Variants in CEBPZOS observed in about 807,000 individuals in gnomAD.
CEBPZOS encodes CEBPZ opposite strand, also known as protein CEBPZOS.
Under a neutral mutation model 4.8 loss-of-function variants are expected in CEBPZOS, and 10 were observed. The observed-to-expected ratio is 2.07, with a 90% CI of 1.28 to 3.52. The LOEUF is 3.52. Ranked by LOEUF, CEBPZOS falls within the 30% of genes most tolerant of loss-of-function variation. The pLI is 0.00. For missense variants in CEBPZOS, 98 were observed against 43.6 expected (o/e 2.25, Z -3.51); for synonymous variants, 25 against 14.2 (o/e 1.77, Z -1.72).
At chr2:37,201,233 A>T in intron 3 of CEBPZOS, 141 bp downstream of exon 3, 3 of 601,474 alleles carry the variant, frequency 5.0e-6, no homozygotes, top group Non-Finnish European at 6.0e-6. Flanking sequence ...ATTCTCATCT[A>T]TTCTAGTGAG....
rs763935613 is a variant in CEBPZOS, at chr2:37,201,675, AT to A, written c.195del (p.Tyr65Ter). On this transcript the variant is annotated frameshift_variant, in exon 4 of 5. Coordinates refer to ENST00000402297, the MANE Select transcript of CEBPZOS (RefSeq NM_001322374.2). LOFTEE classifies it high-confidence loss of function. ...YYKSTEKSGM[Y>X]GIRELDQKTW... Reference sequence around the variant, plus strand: ...AAATCCACTGAGAAGTCTGGAATGTATGGAATCAGAGAGCTAGATCAAAAAA... The same window carrying A: ...AAATCCACTGAGAAGTCTGGAATGTAGGAATCAGAGAGCTAGATCAAAAAA... 41 of 818,924 alleles carry A rather than the reference AT, an allele frequency of 5.0e-5. No individual in the cohort carries two copies. The highest frequency in any genetic ancestry group is 7.9e-5 in the Non-Finnish European group (38 of 478,280). The allele number at this position is 818,924 out of a possible 1,614,324, so 50.7% of individuals were successfully genotyped here. A position where few individuals can be genotyped will look rare whatever the true frequency, so the allele number is the denominator to read the frequency against.
chr2:37,206,688 A>G (rs1260179835), downstream of CEBPZOS, among the ~76,000 whole-genome samples: 2 of 152,190 alleles, frequency 1.3e-5, no homozygotes, highest in Admixed American at 1.3e-4. Flanking sequence ...AAAACCTTGA[A>G]GTACACCAAA....
chr2:37,196,545 C>T (rs1676946663), intron 1 of CEBPZOS, 25 bp downstream of exon 1: 1 of 152,348 alleles, frequency 6.6e-6, no homozygotes, highest in Admixed American at 6.5e-5. Flanking sequence ...AGTGGCTTCC[C>T]ATGGGCGGTC....
Position 37,202,684 on chromosome 2 carries a change from A to C in CEBPZOS, c.*824A>C. The C allele has an allele frequency of 4.4e-6, 1 of 227,960 alleles. No individual in the cohort carries two copies. Among genetic ancestry groups the C allele is most frequent in the South Asian group, 1.2e-4 (1 of 8,076 alleles). The allele number at this position is 227,960 out of a possible 1,614,324, so 14.1% of individuals were successfully genotyped here. ...AAAAAAAAAAAAAAAAAAAAAAAAA[A>C]AAAAAAAAGAATAAATAAAATAACG... On this transcript the variant is annotated 3_prime_UTR_variant, in exon 5 of 5. Coordinates refer to ENST00000402297, the MANE Select transcript of CEBPZOS (RefSeq NM_001322374.2).
rs868553240 is a variant in CEBPZOS, at chr2:37,204,338, C to T, written c.*2478C>T. The T allele has an allele frequency of 2.9e-5, 4 of 139,340 alleles. No homozygotes were observed. The highest frequency in any genetic ancestry group is 2.4e-4 in the South Asian group (1 of 4,212). The allele number at this position is 139,340 out of a possible 1,614,324, so 8.6% of individuals were successfully genotyped here. On this transcript the variant is annotated 3_prime_UTR_variant, in exon 5 of 5. Coordinates refer to ENST00000402297, the MANE Select transcript of CEBPZOS (RefSeq NM_001322374.2). Reference sequence around the variant, plus strand: ...TTGTCGCCAGGCTGGAGTACAGGGGCGTGATCTCGGCTCACTGCAACCTCT... The same window carrying T: ...TTGTCGCCAGGCTGGAGTACAGGGGTGTGATCTCGGCTCACTGCAACCTCT...
chr2:37,198,332 A>G (rs1204439357), intron 1 of CEBPZOS, among the ~76,000 whole-genome samples: 1 of 152,120 alleles, frequency 6.6e-6, no homozygotes, highest in African/African-American at 2.4e-5. Flanking sequence ...TCTTTGCTTC[A>G]TTTCTTTTAA....
intron 3 of CEBPZOS, 160 bp downstream of exon 3, chr2:37,201,252 T>C: frequency 1.7e-6 from 1 of 581,548 alleles, no homozygotes; most frequent in South Asian, 2.3e-5. Context: ...AGAGGAGAAT[T>C]AGGTAATGGG....
chr2:37,203,127 T>C lies in CEBPZOS; in HGVS notation c.*1267T>C, dbSNP rs1677362324. On this transcript the variant is annotated 3_prime_UTR_variant, in exon 5 of 5. Transcript: ENST00000402297. Reference sequence around the variant, plus strand: ...TGGGTAAAAACAATTGCAATAATCTTCTGGCACCATTGGGTAGCTGGCATT... The same window carrying C: ...TGGGTAAAAACAATTGCAATAATCTCCTGGCACCATTGGGTAGCTGGCATT... 2 of 609,882 alleles carry C rather than the reference T, an allele frequency of 3.3e-6. No individual in the cohort carries two copies. The highest frequency in any genetic ancestry group is 7.3e-5 in the Admixed American group (2 of 27,382). 37.8% of individuals were successfully genotyped at this position (609,882 alleles called of 1,614,324 possible).
At chr2:37,212,489 G>T in intron 4 of CEBPZOS, 1 of 1,058,228 alleles carries the variant, frequency 9.4e-7, no homozygotes, top group Non-Finnish European at 1.4e-6. Context: ...TGATTCTGCT[G>T]TTTATGACAA....
chr2:37,211,103 C>T (rs1401234171), intron 4 of CEBPZOS: 4 of 1,544,556 alleles, frequency 2.6e-6, no homozygotes, highest in Non-Finnish European at 3.5e-6. Context: ...AAAAAATTTG[C>T]TAATAAGCAA....
chr2:37,212,446 A>AT (rs778208721), intron 4 of CEBPZOS: 269 of 1,396,232 alleles, frequency 1.9e-4, no homozygotes, highest in Non-Finnish European at 2.7e-4. Flanking sequence ...AGCTTGACAT[A>AT]TATCTTGTAT....
In CEBPZOS at chr2:37,203,064, A is replaced by C; in HGVS notation, c.*1204A>C. 1 of 1,149,938 alleles carries C rather than the reference A, an allele frequency of 8.7e-7. No individual in the cohort carries two copies. The highest frequency in any genetic ancestry group is 1.6e-5 in the South Asian group (1 of 62,646). The allele number at this position is 1,149,938 out of a possible 1,614,324, so 71.2% of individuals were successfully genotyped here. A position where few individuals can be genotyped will look rare whatever the true frequency, so the allele number is the denominator to read the frequency against. On this transcript the variant is annotated 3_prime_UTR_variant, in exon 5 of 5. Coordinates refer to ENST00000402297, the MANE Select transcript of CEBPZOS (RefSeq NM_001322374.2). ...ATTATAAATCTAATGATTTTAGAAA[A>C]ATGCAATGCAACATGATTTTATTTT...
intron 4 of CEBPZOS, 44 bp downstream of exon 4, chr2:37,201,770 CCTTT>C: frequency 2.1e-6 from 3 of 1,406,192 alleles, no homozygotes; most frequent in South Asian, 1.2e-5. Flanking sequence ...TAACTCATTT[CCTTT>C]GTTTTTTAGT....
downstream of CEBPZOS, among the ~76,000 whole-genome samples, chr2:37,205,324 C>T (rs891646049): frequency 6.6e-6 from 1 of 152,126 alleles, no homozygotes; most frequent in African/African-American, 2.4e-5. Flanking sequence ...CATTCCACCA[C>T]AAAAGAAGTG....
intron 4 of CEBPZOS, chr2:37,211,738 T>G: frequency 1.3e-6 from 1 of 774,454 alleles, no homozygotes; most frequent in Non-Finnish European, 2.0e-6. Context: ...ACATGAGTAT[T>G]AATTTGAATA....
At chr2:37,209,260 CCAT>C (rs1157780892), downstream of CEBPZOS, 1 of 152,060 alleles carries the variant, frequency 6.6e-6, no homozygotes, top group Non-Finnish European at 1.5e-5. Flanking sequence ...CATCAAAATG[CCAT>C]CATCATTCTT....
rs772103937 is a variant in CEBPZOS at position 37,211,883 on chromosome 2, T to C, written c.*3-1554T>C. Reference sequence around the variant, plus strand: ...TTTCATCATCTAACACATCCATGAATGTTCCTCCATCTTCATCAACTTCAG... The same window carrying C: ...TTTCATCATCTAACACATCCATGAACGTTCCTCCATCTTCATCAACTTCAG... On this transcript the variant is annotated intron_variant, in intron 4 of 4. Transcript: ENST00000397064. 7 of 1,610,398 alleles carry C rather than the reference T, an allele frequency of 4.3e-6. No individual in the cohort carries two copies. The Admixed American group carries it at 5.1e-5, about 12-fold the overall frequency.
chr2:37,213,872 T>A (rs1210053888), downstream of CEBPZOS: 1 of 1,604,646 alleles, frequency 6.2e-7, no homozygotes, highest in South Asian at 1.1e-5. Flanking sequence ...ACCAATCAGC[T>A]CTTCAAATTC....
At chr2:37,199,605 C>G in intron 1 of CEBPZOS, 99 bp from the exon 2 acceptor site, 1 of 646,322 alleles carries the variant, frequency 1.5e-6, no homozygotes. Context: ...TACAGAGAAG[C>G]CATTCAAACT....
Sources: gnomAD v4.1 joint callset for allele counts (sites outside exome capture counted in the v4.1 genomes callset) on GRCh38, gnomAD v4.1.1 for gene constraint, MANE v1.5 for transcripts, NCBI Gene and HGNC (gene_info 2026-07-23, HGNC 2026-07-21) for gene names.